The following SND1 variants were observed in gnomAD, a reference collection of about 807,000 sequenced individuals.
SND1 encodes staphylococcal nuclease and tudor domain containing 1, also known as staphylococcal nuclease domain-containing protein 1.
SND1 carries 38 observed loss-of-function variants against 121.7 expected under a neutral mutation model. That is an observed-to-expected ratio of 0.31 (90% CI 0.24 to 0.41). The LOEUF (loss-of-function observed/expected upper bound fraction) is 0.41, where lower values mean the gene tolerates loss of function less well. Among genes scored for constraint, SND1 ranks in the 10% least tolerant of loss-of-function variants. The pLI, the probability that SND1 is intolerant of heterozygous loss-of-function variation, is 1.00. For missense variants in SND1, 868 were observed against 1,184.6 expected (o/e 0.73, Z 3.92); for synonymous variants, 401 against 447.4 (o/e 0.90, Z 1.31).
At chr7:128,049,414 A>G (rs1793007636) in intron 16 of SND1, among the ~76,000 whole-genome samples, 1 of 151,998 alleles carries the variant, frequency 6.6e-6, no homozygotes, top group Non-Finnish European at 1.5e-5. Flanking sequence ...CCATCCCTCC[A>G]AGGCCTCCCG....
chr7:127,799,303 A>C (rs548056693), intron 10 of SND1, among the ~76,000 whole-genome samples: 145 of 152,344 alleles, frequency 9.5e-4, no homozygotes, highest in Middle Eastern at 3.4e-3. Flanking sequence ...GTTATGTGAC[A>C]TCAGGCAAGT....
intron 15 of SND1, among the ~76,000 whole-genome samples, chr7:127,972,676 T>C (rs1802025026): frequency 6.6e-6 from 1 of 152,128 alleles, no homozygotes. Flanking sequence ...GCCCTCTGGG[T>C]TCAAGCAATT....
chr7:127,889,254 TC>T (rs1198565207), intron 13 of SND1, among the ~76,000 whole-genome samples: 3 of 152,064 alleles, frequency 2.0e-5, no homozygotes, highest in Non-Finnish European at 1.5e-5. Context: ...CTCCTTACTT[TC>T]TTCTCTCCCT....
intron 10 of SND1, among the ~76,000 whole-genome samples, chr7:127,729,685 A>AT (rs1404109239): frequency 6.6e-6 from 1 of 152,184 alleles, no homozygotes; most frequent in African/African-American, 2.4e-5. Flanking sequence ...TAGGATCCAT[A>AT]TCTCTAATCC....
intron 9 of SND1, among the ~76,000 whole-genome samples, chr7:127,714,518 C>T (rs535813813): frequency 3.5e-4 from 53 of 152,082 alleles, no homozygotes; most frequent in Non-Finnish European, 5.1e-4. Context: ...AGTATCTTAA[C>T]GATTTTTAAG....
intron 12 of SND1, among the ~76,000 whole-genome samples, chr7:127,863,502 G>A (rs902995478): frequency 1.2e-4 from 19 of 152,196 alleles, no homozygotes; most frequent in African/African-American, 4.6e-4. Context: ...CTCAGAGGCT[G>A]TCATATTACA....
chr7:127,997,523 G>T, intron 16 of SND1: 1 of 336,406 alleles, frequency 3.0e-6, no homozygotes, highest in South Asian at 2.4e-5. Context: ...GATTTTTGTG[G>T]GCCTTACTTT....
At chr7:128,004,580 C>G (rs761234459) in intron 16 of SND1, among the ~76,000 whole-genome samples, 1 of 152,216 alleles carries the variant, frequency 6.6e-6, no homozygotes, top group Admixed American at 6.5e-5. Context: ...GAGTAGAGTA[C>G]TGACTTTGGC....
intron 1 of SND1, among the ~76,000 whole-genome samples, chr7:127,684,893 A>G (rs1587594267): frequency 6.6e-6 from 1 of 151,790 alleles, no homozygotes; most frequent in East Asian, 1.9e-4. Context: ...GTACAATTAA[A>G]TATTGTATAT....
At chr7:127,824,006 T>C (rs972332810) in intron 11 of SND1, among the ~76,000 whole-genome samples, 14 of 152,338 alleles carry the variant, frequency 9.2e-5, no homozygotes, top group Non-Finnish European at 1.8e-4. Flanking sequence ...GGATTTGCGC[T>C]GGTATTAAAT....
At chr7:127,885,198 C>T (rs929337611) in intron 12 of SND1, among the ~76,000 whole-genome samples, 1 of 152,114 alleles carries the variant, frequency 6.6e-6, no homozygotes, top group Non-Finnish European at 1.5e-5. Flanking sequence ...CAGTGTTTAT[C>T]ACTCACCAAG....
chr7:127,950,433 T>C (rs1801435790), intron 15 of SND1, among the ~76,000 whole-genome samples: 1 of 152,204 alleles, frequency 6.6e-6, no homozygotes, highest in Non-Finnish European at 1.5e-5. Context: ...GTGCCTCTTA[T>C]CCGGTGACAC....
rs73457831 is a variant in SND1, at chr7:127,775,075, T to C, written c.1153-32409T>C. ...GTTCTGATAAAAATAAGTTAAGACA[T>C]AGAGATACACAGAGGGAAGAGAGCA... On this transcript the variant is annotated intron_variant, in intron 10 of 23. Transcript: ENST00000354725. Among the ~76,000 whole-genome samples, 496 of 152,188 alleles carry C rather than the reference T, an allele frequency of 3.3e-3. 2 individuals carry two copies. Among genetic ancestry groups the C allele is most frequent in the African/African-American group, 0.011 (437 of 41,514 alleles).
At chr7:127,994,284 C>T (rs943572266) in intron 16 of SND1, among the ~76,000 whole-genome samples, 1 of 152,152 alleles carries the variant, frequency 6.6e-6, no homozygotes, top group Non-Finnish European at 1.5e-5. Context: ...TGACTTCTCT[C>T]CTGCCCTCTT....
intron 15 of SND1, among the ~76,000 whole-genome samples, chr7:127,933,428 C>T (rs1188621966): frequency 1.3e-5 from 2 of 152,220 alleles, no homozygotes; most frequent in Non-Finnish European, 2.9e-5. Context: ...TTATATTATG[C>T]ATCTTTTGGT....
At chr7:128,011,738 AGGCATAATAAT>A (rs1205564911) in intron 16 of SND1, among the ~76,000 whole-genome samples, 1 of 152,254 alleles carries the variant, frequency 6.6e-6, no homozygotes, top group Non-Finnish European at 1.5e-5. Flanking sequence ...TAATTTTGGT[AGGCATAATAAT>A]GGCATTGTGG....
At chr7:128,056,711 G>T (rs1793148982) in intron 16 of SND1, among the ~76,000 whole-genome samples, 1 of 152,176 alleles carries the variant, frequency 6.6e-6, no homozygotes, top group Admixed American at 6.5e-5. Context: ...TATCCACAGG[G>T]AATACATTCC....
chr7:127,732,691 A>G (rs1159399732), intron 10 of SND1, among the ~76,000 whole-genome samples: 1 of 152,250 alleles, frequency 6.6e-6, no homozygotes, highest in African/African-American at 2.4e-5. Context: ...ACAATTTTAT[A>G]TTCTAGAAAA....
intron 15 of SND1, among the ~76,000 whole-genome samples, chr7:127,941,297 A>G (rs149615276): frequency 4.8e-4 from 73 of 152,298 alleles, no homozygotes; most frequent in African/African-American, 1.7e-3. Context: ...AGATTAGCTT[A>G]TAGGCTTCTA....
Sources: allele counts gnomAD v4.1 joint callset (sites outside exome capture counted in the v4.1 genomes callset), GRCh38; gene constraint gnomAD v4.1.1; transcripts MANE v1.5; gene names NCBI Gene and HGNC (gene_info 2026-07-23, HGNC 2026-07-21).